The following NOS1AP variants were observed in gnomAD, a reference collection of about 807,000 sequenced individuals.
The protein encoded by NOS1AP is nitric oxide synthase 1 adaptor protein.
In NOS1AP, 21 loss-of-function variants were observed where a neutral mutation model predicts 56.2. The observed-to-expected ratio is 0.37, with a 90% CI of 0.26 to 0.54. The LOEUF is 0.54. NOS1AP is among the 20% of genes least tolerant of loss of function. The probability of loss-of-function intolerance (pLI) is 0.84; values close to 1 mark genes in which losing one functional copy is unlikely to be tolerated. For missense variants in NOS1AP, 522 were observed against 657.8 expected (o/e 0.79, Z 2.26); for synonymous variants, 270 against 274.6 (o/e 0.98, Z 0.17).
chr1:162,343,814 C>T, intron 5 of NOS1AP, 21 bp from the exon 6 acceptor site: 1 of 1,614,056 alleles, frequency 6.2e-7, no homozygotes, highest in South Asian at 1.1e-5. Flanking sequence ...CCATCCTGTT[C>T]TTCTCCTTTC....
chr1:162,192,639 C>T (rs755381631), intron 2 of NOS1AP, among the ~76,000 whole-genome samples: 3 of 152,190 alleles, frequency 2.0e-5, no homozygotes, highest in Non-Finnish European at 2.9e-5. Flanking sequence ...TGCCTCTTTG[C>T]TTAGATGTCT....
chr1:162,356,770 G>A (rs1384816887), intron 7 of NOS1AP, among the ~76,000 whole-genome samples, 190 bp from the exon 8 acceptor site: 1 of 152,150 alleles, frequency 6.6e-6, no homozygotes, highest in East Asian at 1.9e-4. Flanking sequence ...TGACTGTGTG[G>A]TATCAGCCCA....
rs745870190 is a variant in NOS1AP, at chr1:162,355,190, G to T, written c.599G>T (p.Arg200Leu). ...RNSNSSGDPG[R>L]QLTGAERAST... ...CCCTCCCCTGTTGTTCCTGCAGGCC[G>T]CCAGCTCACTGGAGCCGAGAGGGCC... Residue 200 changes from arginine (R) to leucine (L), a missense_variant, in exon 7 of 10, where the codon CGC becomes CTC. Physicochemically the swap from Arg to Leu is moderately radical, Grantham distance 102 (BLOSUM62 -2). Coordinates refer to ENST00000361897, the MANE Select transcript of NOS1AP (RefSeq NM_014697.3). 2 of 1,613,950 alleles carry T rather than the reference G, an allele frequency of 1.2e-6. No homozygotes were observed. The highest frequency in any genetic ancestry group is 2.2e-5 in the East Asian group (1 of 44,896).
At chr1:162,271,427 C>T (rs756870772) in intron 2 of NOS1AP, among the ~76,000 whole-genome samples, 1 of 152,132 alleles carries the variant, frequency 6.6e-6, no homozygotes, top group Non-Finnish European at 1.5e-5. Context: ...GTGGTGAGCA[C>T]CAGCCGAGGC....
chr1:162,280,553 G>C (rs1654890231), intron 2 of NOS1AP, among the ~76,000 whole-genome samples: 1 of 152,180 alleles, frequency 6.6e-6, no homozygotes, highest in Non-Finnish European at 1.5e-5. Context: ...TCTAAAGCCT[G>C]GGCCTGTGAT....
At chr1:162,298,002 C>T (rs528742508) in intron 3 of NOS1AP, among the ~76,000 whole-genome samples, 3 of 152,298 alleles carry the variant, frequency 2.0e-5, no homozygotes, top group Non-Finnish European at 4.4e-5. Context: ...CATAAAAGCC[C>T]CAACAAAAGC....
intron 1 of NOS1AP, among the ~76,000 whole-genome samples, chr1:162,113,233 G>A (rs1647781367): frequency 1.3e-5 from 2 of 152,238 alleles, no homozygotes; most frequent in Middle Eastern, 3.4e-3. Flanking sequence ...GCAGGTTATG[G>A]GGGATGTTGG....
intron 2 of NOS1AP, among the ~76,000 whole-genome samples, chr1:162,165,547 C>T (rs1379594201): frequency 1.3e-5 from 2 of 152,114 alleles, no homozygotes; most frequent in Non-Finnish European, 2.9e-5. Flanking sequence ...AAATAACTTG[C>T]CATAGCTCGC....
At chr1:162,122,475 T>C (rs1648279176) in intron 1 of NOS1AP, among the ~76,000 whole-genome samples, 1 of 151,574 alleles carries the variant, frequency 6.6e-6, no homozygotes, top group Non-Finnish European at 1.5e-5. Flanking sequence ...TTAAAAAATA[T>C]ATGAAAGTAG....
chr1:162,332,982 A>G, intron 4 of NOS1AP, 35 bp from the exon 5 acceptor site: 1 of 1,493,670 alleles, frequency 6.7e-7, no homozygotes, highest in South Asian at 1.1e-5. Flanking sequence ...ACCTAAGGCC[A>G]TTTTCAGTGC....
chr1:162,154,254 G>A, intron 1 of NOS1AP, 151 bp from the exon 2 acceptor site: 1 of 672,380 alleles, frequency 1.5e-6, no homozygotes, highest in Non-Finnish European at 2.6e-6. Context: ...TATAAAGTTA[G>A]AAACAGACTC....
intron 2 of NOS1AP, among the ~76,000 whole-genome samples, chr1:162,225,340 C>T (rs181625498): frequency 2.6e-5 from 4 of 152,282 alleles, no homozygotes; most frequent in Non-Finnish European, 4.4e-5. Flanking sequence ...CTTCAGTGTT[C>T]CCACTCCCTA....
chr1:162,157,742 A>G (rs967010103), intron 2 of NOS1AP, among the ~76,000 whole-genome samples: 1 of 152,176 alleles, frequency 6.6e-6, no homozygotes, highest in Admixed American at 6.5e-5. Context: ...CCAGAGAGAG[A>G]AGCATTCAGA....
intron 2 of NOS1AP, among the ~76,000 whole-genome samples, chr1:162,261,150 A>AGAGAGAGAGAGAGAGAGAGAG (rs1557853412): frequency 1.4e-5 from 2 of 139,366 alleles, no homozygotes; most frequent in African/African-American, 5.5e-5. Flanking sequence ...TGGCAGAAAC[A>AGAGAGAGAGAGAGAGAGAGAG]ACCAGTAAAT....
intron 2 of NOS1AP, among the ~76,000 whole-genome samples, chr1:162,224,439 G>A (rs1571141841): frequency 1.3e-5 from 2 of 152,090 alleles, no homozygotes; most frequent in Admixed American, 1.3e-4. Flanking sequence ...TCAAAAGTTG[G>A]CAATGGAAAC....
At chr1:162,354,136 G>A (rs1657612343) in intron 6 of NOS1AP, among the ~76,000 whole-genome samples, 2 of 152,218 alleles carry the variant, frequency 1.3e-5, no homozygotes, top group South Asian at 4.1e-4. Context: ...GTTCTACAAG[G>A]CAAGCACTCA....
At chr1:162,093,733 A>G (rs368365985) in intron 1 of NOS1AP, among the ~76,000 whole-genome samples, 11 of 151,744 alleles carry the variant, frequency 7.2e-5, no homozygotes, top group African/African-American at 2.7e-4. Context: ...TTTTATTTTT[A>G]GTGGAATCGA....
chr1:162,355,674 A>G (rs1221516412), intron 7 of NOS1AP, among the ~76,000 whole-genome samples: 1 of 99,556 alleles, frequency 1.0e-5, no homozygotes, highest in African/African-American at 3.2e-5. Flanking sequence ...TGCAAGGCTC[A>G]CTCTGGCACA....
chr1:162,333,254 G>C, intron 5 of NOS1AP, 129 bp downstream of exon 5: 1 of 709,814 alleles, frequency 1.4e-6, no homozygotes, highest in South Asian at 1.5e-5. Context: ...TCAGTCGTCT[G>C]TCATTGCTCC....
Sources: allele counts gnomAD v4.1 joint callset (sites outside exome capture counted in the v4.1 genomes callset), GRCh38; gene constraint gnomAD v4.1.1; transcripts MANE v1.5; gene names NCBI Gene and HGNC (gene_info 2026-07-23, HGNC 2026-07-21).